Variants in FMN1 observed in about 807,000 individuals in gnomAD.
The protein encoded by FMN1 is formin-1.
In FMN1, 110 loss-of-function variants were observed where a neutral mutation model predicts 132.4. That is an observed-to-expected ratio of 0.83 (90% CI 0.71 to 0.97). The LOEUF is 0.97. FMN1 is among the 50% of genes least tolerant of loss of function. The pLI is 0.00. For synonymous variants in FMN1, 722 were observed against 651.7 expected (o/e 1.11, Z -1.64); for missense variants, 1,792 against 1,705.3 (o/e 1.05, Z -0.90).
intron 3 of FMN1, among the ~76,000 whole-genome samples, chr15:33,163,086 T>C (rs1465700811): frequency 2.6e-5 from 4 of 151,996 alleles, no homozygotes; most frequent in East Asian, 1.9e-4. Flanking sequence ...CACGCCACTG[T>C]ACTCCACTCC....
chr15:33,115,512 ACG>A (rs1381763212), intron 4 of FMN1, among the ~76,000 whole-genome samples: 3 of 140,076 alleles, frequency 2.1e-5, no homozygotes, highest in Admixed American at 1.4e-4. Flanking sequence ...CCACACACAC[ACG>A]CACACACACA....
chr15:33,147,540 A>C (rs1334990461), intron 4 of FMN1, among the ~76,000 whole-genome samples: 3 of 152,222 alleles, frequency 2.0e-5, no homozygotes, highest in Admixed American at 1.3e-4. Flanking sequence ...GAATCCAAAA[A>C]TAGAGACAAG....
chr15:32,964,205 C>A lies in FMN1; in HGVS notation c.3040G>T (p.Asp1014Tyr). 2 of 1,612,248 alleles carry A rather than the reference C, an allele frequency of 1.2e-6. No individual in the cohort carries two copies. The highest frequency in any genetic ancestry group is 1.7e-6 in the Non-Finnish European group (2 of 1,178,794). Residue 1014 changes from aspartate to tyrosine, a missense_variant, in exon 9 of 21, where the codon GAC becomes TAC. Coordinates refer to ENST00000616417, the MANE Select transcript of FMN1 (RefSeq NM_001277313.2). ...AATAAATACTCAAATTCACTGGGGT[C>A]CCGAATGTCAGGTTCTTCTAAGGAG... Reference protein sequence around the residue: ...WDSLEEPDIRDPSEFEYLFSK... With the variant: ...WDSLEEPDIRYPSEFEYLFSK...
intron 4 of FMN1, among the ~76,000 whole-genome samples, chr15:33,122,945 T>C (rs554357830): frequency 2.0e-5 from 3 of 152,106 alleles, no homozygotes; most frequent in Non-Finnish European, 2.9e-5. Context: ...ATGCTTTATA[T>C]ATACATGGCC....
chr15:32,814,073 TG>T (rs2057977631), intron 17 of FMN1, among the ~76,000 whole-genome samples: 1 of 152,238 alleles, frequency 6.6e-6, no homozygotes, highest in Admixed American at 6.5e-5. Flanking sequence ...AAACAGACCG[TG>T]GGGGTACAAT....
chr15:33,177,554 C>T (rs1318913624), intron 3 of FMN1, among the ~76,000 whole-genome samples: 1 of 152,150 alleles, frequency 6.6e-6, no homozygotes, highest in Non-Finnish European at 1.5e-5. Flanking sequence ...CCATAGTCCC[C>T]CCTGCAAAGA....
intron 19 of FMN1, among the ~76,000 whole-genome samples, chr15:32,793,925 A>T (rs1043955586): frequency 6.6e-6 from 1 of 151,920 alleles, no homozygotes; most frequent in Admixed American, 6.5e-5. Flanking sequence ...TCATGTAAAG[A>T]AAAGAATTCC....
intron 5 of FMN1, among the ~76,000 whole-genome samples, chr15:33,081,281 T>A (rs1261987931): frequency 1.3e-5 from 2 of 152,214 alleles, no homozygotes; most frequent in East Asian, 3.8e-4. Flanking sequence ...CCTGCATTTG[T>A]AACATTTCCA....
At chr15:33,108,167 T>G (rs923017982) in intron 4 of FMN1, among the ~76,000 whole-genome samples, 1 of 152,100 alleles carries the variant, frequency 6.6e-6, no homozygotes, top group African/African-American at 2.4e-5. Flanking sequence ...ATCCTTTGAC[T>G]AAGCCCTCTC....
rs1394193546 is a variant in FMN1 at position 33,065,012 on chromosome 15, T to C, written c.2106A>G (p.Pro702=). ...CTTCTGTGTCTTTTGTCTTTGGGGG[T>C]GGCCAGACAGCTTGAAGTCTGCCAG... ...RTPGRLQAVW[P]PPKTKDTEEK... is the part of the protein sequence containing the mutation. Residue 702 remains proline, a synonymous_variant, in exon 6 of 21, where the codon CCA becomes CCG. Coordinates refer to ENST00000616417, the MANE Select transcript of FMN1 (RefSeq NM_001277313.2). 2 of 1,612,070 alleles carry C rather than the reference T, an allele frequency of 1.2e-6. No homozygotes were observed. The highest frequency in any genetic ancestry group is 2.7e-5 in the African/African-American group (2 of 74,838).
intron 12 of FMN1, chr15:32,908,281 G>A: frequency 2.1e-6 from 1 of 486,734 alleles, no homozygotes; most frequent in South Asian, 3.1e-5. Flanking sequence ...GGGGAGGGGG[G>A]TGAGACACAC....
At chr15:32,861,308 C>G (rs1001288123) in intron 16 of FMN1, among the ~76,000 whole-genome samples, 1 of 152,168 alleles carries the variant, frequency 6.6e-6, no homozygotes, top group Non-Finnish European at 1.5e-5. Flanking sequence ...AATACTTTCT[C>G]TTTTGCCTGA....
chr15:33,169,957 A>G (rs1361688085), intron 3 of FMN1, among the ~76,000 whole-genome samples: 6 of 152,112 alleles, frequency 3.9e-5, no homozygotes, highest in Non-Finnish European at 8.8e-5. Flanking sequence ...GGTCAGGATT[A>G]CCAAGAATAT....
At chr15:32,982,278 G>A (rs1035088550) in intron 7 of FMN1, among the ~76,000 whole-genome samples, 2 of 152,162 alleles carry the variant, frequency 1.3e-5, no homozygotes, top group East Asian at 3.9e-4. Context: ...AAATGCTAGT[G>A]AGAATGTGGA....
At chr15:32,921,678 T>TC (rs923698266) in intron 10 of FMN1, among the ~76,000 whole-genome samples, 2 of 117,472 alleles carry the variant, frequency 1.7e-5, no homozygotes, top group Non-Finnish European at 3.4e-5. Flanking sequence ...GTCTTTTTTT[T>TC]CTTTTTTTTT....
At chr15:33,161,986 G>C (rs967181195) in intron 3 of FMN1, among the ~76,000 whole-genome samples, 16 of 151,026 alleles carry the variant, frequency 1.1e-4, no homozygotes, top group African/African-American at 3.6e-4. Context: ...TCTTTCCATG[G>C]AGTTTTTCTT....
At chr15:32,829,622 C>A (rs1047736318) in intron 17 of FMN1, among the ~76,000 whole-genome samples, 4 of 152,128 alleles carry the variant, frequency 2.6e-5, no homozygotes, top group Non-Finnish European at 5.9e-5. Context: ...CATATGGATG[C>A]AATCACATTC....
At chr15:33,031,056 T>C (rs2035914224) in intron 6 of FMN1, among the ~76,000 whole-genome samples, 2 of 151,402 alleles carry the variant, frequency 1.3e-5, no homozygotes. Context: ...CAACTCCCTG[T>C]GTGGGAATTA....
At chr15:32,807,234 A>G (rs999580840) in intron 17 of FMN1, among the ~76,000 whole-genome samples, 8 of 152,240 alleles carry the variant, frequency 5.3e-5, no homozygotes, top group African/African-American at 1.9e-4. Context: ...TTCAACTAGT[A>G]AAACTTATTT....
Sources: gnomAD v4.1 joint callset for allele counts (sites outside exome capture counted in the v4.1 genomes callset) on GRCh38, gnomAD v4.1.1 for gene constraint, MANE v1.5 for transcripts, NCBI Gene and HGNC (gene_info 2026-07-23, HGNC 2026-07-21) for gene names.